CNDP1: variants seen among roughly 807,000 people sequenced by gnomAD.
CNDP1 encodes the protein beta-Ala-His dipeptidase.
CNDP1 carries 44 observed loss-of-function variants against 58.1 expected under a neutral mutation model. The ratio of observed to expected loss-of-function variants is 0.76; its 90% CI spans 0.60 to 0.97. The LOEUF (loss-of-function observed/expected upper bound fraction) is 0.97, where lower values mean the gene tolerates loss of function less well. Among genes scored for constraint, CNDP1 ranks in the 50% least tolerant of loss-of-function variants. CNDP1 has a pLI of 0.00. For missense variants in CNDP1, 616 were observed against 655.1 expected, an observed-to-expected ratio of 0.94 and a Z score of 0.65; for synonymous variants, 254 against 252.6, an observed-to-expected ratio of 1.01 and a Z score of -0.05.
intron 1 of CNDP1, among the ~76,000 whole-genome samples, chr18:74,543,890 G>T (rs1980691379): frequency 6.6e-6 from 1 of 152,212 alleles, no homozygotes; most frequent in South Asian, 2.1e-4. Context: ...TTCCAGACCA[G>T]CCTGGGCAAC....
intron 3 of CNDP1, among the ~76,000 whole-genome samples, chr18:74,560,239 C>T (rs1981153661): frequency 6.6e-6 from 1 of 152,204 alleles, no homozygotes; most frequent in South Asian, 2.1e-4. Context: ...TGGTCTTCAA[C>T]TCCTGACCTC....
In CNDP1 at chr18:74,545,948, G is replaced by C. The variant is rs548911759; in HGVS notation, c.25-10390G>C. Among the ~76,000 whole-genome samples the C allele has an allele frequency of 3.9e-5, 6 of 152,228 alleles. No homozygotes were observed. The South Asian group carries it at 1.2e-3, about 32-fold the overall frequency. ...CCCTCAAAACCGAGAGCCATGCCCTGTTTCCCCATTGGAAACACGCTTTTG... is the reference window on the plus strand; with the variant it reads ...CCCTCAAAACCGAGAGCCATGCCCTCTTTCCCCATTGGAAACACGCTTTTG... On this transcript the variant is annotated intron_variant, in intron 1 of 11. Coordinates refer to ENST00000358821, the MANE Select transcript of CNDP1 (RefSeq NM_032649.6). The surrounding 1 kb of genome is among the most constrained non-coding windows in gnomAD (Gnocchi z 4.1).
rs1042817445 is a variant in CNDP1, at chr18:74,545,710, C to G, written c.25-10628C>G. Among the ~76,000 whole-genome samples, 1 of 152,108 alleles carries G rather than the reference C, an allele frequency of 6.6e-6. No homozygotes were observed. The highest frequency in any genetic ancestry group is 2.4e-5 in the African/African-American group (1 of 41,386). On this transcript the variant is annotated intron_variant, in intron 1 of 11. Coordinates refer to ENST00000358821, the MANE Select transcript of CNDP1 (RefSeq NM_032649.6). The surrounding 1 kb of genome is among the most constrained non-coding windows in gnomAD (Gnocchi z 4.1). The stretch of plus-strand genomic sequence containing the variant: ...GAACATCTTAATTTCACGTGCTGCC[C>G]CCTGAGATTGTACAGTCTCCCCTGC...
chr18:74,537,530 C>T (rs965525021), intron 1 of CNDP1, among the ~76,000 whole-genome samples: 6 of 152,196 alleles, frequency 3.9e-5, no homozygotes, highest in African/African-American at 1.4e-4. Flanking sequence ...CAAACTCTTT[C>T]TTTTACTGTG....
chr18:74,534,938 G>A (rs942319417), intron 1 of CNDP1, among the ~76,000 whole-genome samples: 1 of 152,180 alleles, frequency 6.6e-6, no homozygotes, highest in Non-Finnish European at 1.5e-5. Context: ...TTGTCAAGTA[G>A]TTCATATTCA....
In CNDP1 at chr18:74,562,035, C is replaced by A. The variant is rs746660500; in HGVS notation, c.467-12C>A. 1 of 1,612,808 alleles carries A rather than the reference C, an allele frequency of 6.2e-7. No homozygotes were observed. The highest frequency in any genetic ancestry group is 1.1e-5 in the South Asian group (1 of 91,048). ...CCACACTTCTCTGAACATTCTTCTC[C>A]CCTTTTTAAAGGGAAACTTTATGGA... On this transcript the variant is annotated splice_polypyrimidine_tract_variant and intron_variant, in intron 4 of 11. Transcript: ENST00000358821.
Position 74,579,203 on chromosome 18 carries a change from GCCTTCCCTTCCCTTCCCTTC to G in CNDP1, c.1167+885_1168-899del, listed in dbSNP as rs1555743780. ...CTTCTCCCTTTCCTTCCCTTCCCTT[GCCTTCCCTTCCCTTCCCTTC>G]CCTTCCCTCACCTCCCCTCTCCTTT... On this transcript the variant is annotated intron_variant, in intron 9 of 11. Transcript: ENST00000358821. Among the ~76,000 whole-genome samples, 26 of 125,632 alleles carry G rather than the reference GCCTTCCCTTCCCTTCCCTTC, an allele frequency of 2.1e-4. 1 individual carries two copies. The East Asian group carries it at 3.0e-3, about 14-fold the overall frequency. The allele number at this position is 125,632 out of a possible 152,430, so 82.4% of individuals were successfully genotyped here.
Position 74,534,701 on chromosome 18 carries a change from A to T in CNDP1, c.24+10A>T. ...CAAACTCGGGAGAATGGTGAGTAGG[A>T]CCTCCTCCATCAGAGTCCGTGCATT... On this transcript the variant is annotated intron_variant, in intron 1 of 11. Transcript: ENST00000358821. The T allele has an allele frequency of 1.2e-6, 2 of 1,613,868 alleles. No homozygotes were observed. The highest frequency in any genetic ancestry group is 1.7e-6 in the Non-Finnish European group (2 of 1,179,880).
chr18:74,574,178 C>T (rs1166485848), intron 7 of CNDP1, among the ~76,000 whole-genome samples: 2 of 152,230 alleles, frequency 1.3e-5, no homozygotes, highest in Non-Finnish European at 2.9e-5. Flanking sequence ...TTGCCTTGTG[C>T]AAGCCTCCTC....
chr18:74,564,733 T>G (rs767025689), intron 5 of CNDP1, among the ~76,000 whole-genome samples: 3 of 152,202 alleles, frequency 2.0e-5, no homozygotes, highest in Non-Finnish European at 4.4e-5. Context: ...GATCATAGCA[T>G]TAAATTGGCA....
chr18:74,540,977 A>G (rs1980606875), intron 1 of CNDP1, among the ~76,000 whole-genome samples: 2 of 152,212 alleles, frequency 1.3e-5, no homozygotes, highest in Admixed American at 6.5e-5. Flanking sequence ...ATTTTCTTGT[A>G]TCACGGGTGG....
chr18:74,534,663 G>A lies in CNDP1; in HGVS notation c.-5G>A, dbSNP rs768497543. The stretch of plus-strand genomic sequence containing the variant: ...AGTTGCTAGAGGCTTCAGAACTCCA[G>A]CCTAATGGATCCCAAACTCGGGAGA... On this transcript the variant is annotated 5_prime_UTR_variant, in exon 1 of 12. Transcript: ENST00000358821. 37 of 1,614,014 alleles carry A rather than the reference G, an allele frequency of 2.3e-5. 2 individuals carry two copies. The South Asian group carries it at 4.1e-4, about 18-fold the overall frequency.
intron 1 of CNDP1, among the ~76,000 whole-genome samples, chr18:74,541,879 G>A (rs926163136): frequency 2.0e-5 from 3 of 152,188 alleles, no homozygotes; most frequent in East Asian, 1.9e-4. Flanking sequence ...CTCAGCTTCC[G>A]GCGCCACAGG....
intron 1 of CNDP1, among the ~76,000 whole-genome samples, chr18:74,548,994 G>A (rs1980831892): frequency 6.6e-6 from 1 of 152,206 alleles, no homozygotes; most frequent in Non-Finnish European, 1.5e-5. Flanking sequence ...TTATGTTCAG[G>A]TGTGGAAGTA....
In CNDP1 at chr18:74,545,206, C is replaced by T. The variant is rs997260902; in HGVS notation, c.24+10515C>T. 2.0e-5 allele frequency among the ~76,000 whole-genome samples: 3 copies of T among 152,174 alleles called. No homozygotes were observed. The highest frequency in any genetic ancestry group is 4.4e-5 in the Non-Finnish European group (3 of 68,040). On this transcript the variant is annotated intron_variant, in intron 1 of 11. Coordinates refer to ENST00000358821, the MANE Select transcript of CNDP1 (RefSeq NM_032649.6). This position sits in a 1 kb window ranked among gnomAD's most constrained non-coding sequence, Gnocchi z 4.1. ...AGCAGCCTGAGGAAGCTAGTGGAGA[C>T]CGATGGGAAAGCCCCGCCCTCTCCT...
At chr18:74,571,337 T>G (rs1464261230) in intron 7 of CNDP1, 67 bp downstream of exon 7, 2 of 1,100,050 alleles carry the variant, frequency 1.8e-6, no homozygotes, top group Admixed American at 3.5e-5. Flanking sequence ...CTACTTGATT[T>G]TATGTGCCTC....
chr18:74,583,970 T>C, intron 11 of CNDP1: 1 of 453,244 alleles, frequency 2.2e-6, no homozygotes, highest in Non-Finnish European at 4.0e-6. Context: ...CTGGTGTCTC[T>C]CTTTTTATAA....
chr18:74,562,078 C>G lies in CNDP1; in HGVS notation c.498C>G (p.Asn166Lys). 1.2e-6 allele frequency: 2 copies of G among 1,614,144 alleles called. No homozygotes were observed. Among genetic ancestry groups the G allele is most frequent in the Non-Finnish European group, 8.5e-7 (1 of 1,180,008 alleles). ...GKLYGRGATD[N>K]KGPVLAWINA... The stretch of plus-strand genomic sequence containing the variant: ...TTTATGGACGAGGAGCGACCGACAA[C>G]AAAGGCCCTGTCTTGGCTTGGATCA... The change falls in exon 5 of 12, where the codon AAC (asparagine) becomes AAG (lysine). Residue 166 changes from asparagine (N) to lysine (K), a missense_variant. Coordinates refer to ENST00000358821, the MANE Select transcript of CNDP1 (RefSeq NM_032649.6).
intron 7 of CNDP1, among the ~76,000 whole-genome samples, chr18:74,573,431 A>ATTCATCCATCCATCCAT (rs565156580): frequency 0.46 from 63,686 of 139,296 alleles, 15,336 homozygotes; most frequent in Admixed American, 0.54. Flanking sequence ...CATCCATCCA[A>ATTCATCCATCCATCCAT]CTATCTATCT....
Sources: gnomAD v4.1 joint callset for allele counts (sites outside exome capture counted in the v4.1 genomes callset) on GRCh38, gnomAD v4.1.1 for gene constraint, Gnocchi (gnomAD v3.1) non-coding constraint, MANE v1.5 for transcripts, NCBI Gene and HGNC (gene_info 2026-07-23, HGNC 2026-07-21) for gene names.